Variants in NCOR2 observed in about 807,000 individuals in gnomAD.
NCOR2 encodes CTG repeat protein 26.
NCOR2 carries 81 observed loss-of-function variants against 262.9 expected under a neutral mutation model. The ratio of observed to expected loss-of-function variants is 0.31; its 90% CI spans 0.26 to 0.37. The LOEUF is 0.37. Ranked by LOEUF, NCOR2 falls within the 10% of genes least tolerant of loss-of-function variation. The pLI, the probability that NCOR2 is intolerant of heterozygous loss-of-function variation, is 1.00. For synonymous variants in NCOR2, 1,659 were observed against 1,559.3 expected, an observed-to-expected ratio of 1.06 and a Z score of -1.51; for missense variants, 3,385 against 3,621.4, an observed-to-expected ratio of 0.93 and a Z score of 1.68.
chr12:124,353,774 T>C (rs2037713287), intron 27 of NCOR2, among the ~76,000 whole-genome samples: 1 of 152,244 alleles, frequency 6.6e-6, no homozygotes, highest in South Asian at 2.1e-4. Flanking sequence ...GTCTAAGCAA[T>C]GTCCGTGGCC....
exon 40 of NCOR2, chr12:124,335,189 G>A (rs375234608): frequency 9.3e-5 from 150 of 1,611,422 alleles, no homozygotes; most frequent in Non-Finnish European, 1.1e-4. Context: ...CCCCTGGGGC[G>A]GTCTGGAGCA....
At chr12:124,369,537 G>C (rs1379659371) in intron 20 of NCOR2, among the ~76,000 whole-genome samples, 3 of 151,954 alleles carry the variant, frequency 2.0e-5, no homozygotes, top group Admixed American at 2.0e-4. Context: ...GACGCATCTC[G>C]TCCGCGTCCT....
upstream of NCOR2, among the ~76,000 whole-genome samples, chr12:124,499,138 A>G (rs985385422): frequency 3.3e-5 from 5 of 152,206 alleles, no homozygotes; most frequent in Non-Finnish European, 7.4e-5. Flanking sequence ...GTGAATGCCA[A>G]AAAAAATGAT....
At chr12:124,394,321 G>C (rs1347777147) in intron 16 of NCOR2, among the ~76,000 whole-genome samples, 1 of 152,224 alleles carries the variant, frequency 6.6e-6, no homozygotes, top group East Asian at 1.9e-4. Context: ...AGGTCAGGGG[G>C]CTAAGGAGCT....
At chr12:124,332,140 A>G (rs1162879386) in intron 43 of NCOR2, 179 bp downstream of exon 45, 3 of 708,950 alleles carry the variant, frequency 4.2e-6, no homozygotes, top group East Asian at 5.5e-5. Context: ...GCAAATCAAG[A>G]AACTGCCCTG....
chr12:124,385,346 C>T (rs531100238), intron 17 of NCOR2, among the ~76,000 whole-genome samples: 10 of 152,192 alleles, frequency 6.6e-5, no homozygotes, highest in South Asian at 2.1e-4. Flanking sequence ...GGGAGCCACT[C>T]GCTCAGGACC....
At chr12:124,472,198 G>A (rs1450868110) in intron 4 of NCOR2, among the ~76,000 whole-genome samples, 1 of 152,184 alleles carries the variant, frequency 6.6e-6, no homozygotes, top group African/African-American at 2.4e-5. Flanking sequence ...ACCATGAAGA[G>A]CTGGGAAAAG....
chr12:124,467,701 TATCACCCTCATCATCCTC>T (rs1204724601), intron 4 of NCOR2, among the ~76,000 whole-genome samples: 1 of 103,734 alleles, frequency 9.6e-6, no homozygotes, highest in African/African-American at 3.7e-5. Flanking sequence ...CCATCATCCT[TATCACCCTCATCATCCTC>T]ATCACCCTCA....
intron 7 of NCOR2, among the ~76,000 whole-genome samples, chr12:124,446,409 T>C (rs966999924): frequency 4.6e-5 from 7 of 152,200 alleles, no homozygotes; most frequent in South Asian, 4.1e-4. Flanking sequence ...TCCCAACAGA[T>C]AATAAAACCG....
intron 1 of NCOR2, among the ~76,000 whole-genome samples, chr12:124,533,659 T>C (rs2050967391): frequency 6.6e-6 from 1 of 152,174 alleles, no homozygotes; most frequent in African/African-American, 2.4e-5. Context: ...TGGCACACAG[T>C]AGGTGCTTTA....
At chr12:124,375,043 C>T (rs933453280) in intron 18 of NCOR2, among the ~76,000 whole-genome samples, 47 of 152,356 alleles carry the variant, frequency 3.1e-4, no homozygotes, top group African/African-American at 8.4e-4. Context: ...TCTTCACACA[C>T]GACTCCTTTA....
intron 31 of NCOR2, among the ~76,000 whole-genome samples, chr12:124,345,172 T>A (rs1478855355): frequency 6.6e-6 from 1 of 152,140 alleles, no homozygotes; most frequent in East Asian, 1.9e-4. Context: ...CCACGCTCCC[T>A]GGGGGGACTG....
At chr12:124,335,730 G>C in intron 38 of NCOR2, 98 bp from the exon 41 acceptor site, 1 of 1,388,318 alleles carries the variant, frequency 7.2e-7, no homozygotes, top group South Asian at 1.4e-5. Context: ...CCCCGGGGGG[G>C]TCAAGGGGAA....
chr12:124,561,083 G>A (rs1050883186), intron 1 of NCOR2, among the ~76,000 whole-genome samples: 2 of 152,196 alleles, frequency 1.3e-5, no homozygotes, highest in Non-Finnish European at 2.9e-5. Context: ...GGATTCCTCC[G>A]GGTCCGGCTG....
At chr12:124,510,221 C>A (rs963613349) in intron 1 of NCOR2, among the ~76,000 whole-genome samples, 20 of 152,212 alleles carry the variant, frequency 1.3e-4, no homozygotes, top group African/African-American at 4.8e-4. Flanking sequence ...CACTGATGCA[C>A]CCCAGCTCCG....
chr12:124,429,765 A>AC (rs2043808246), intron 9 of NCOR2, 59 bp from the exon 12 acceptor site: 17 of 1,477,104 alleles, frequency 1.2e-5, no homozygotes, highest in Non-Finnish European at 1.5e-5. Flanking sequence ...ACACTAGCAG[A>AC]CCCCTGTGGC....
intron 25 of NCOR2, 110 bp from the exon 28 acceptor site, chr12:124,354,692 T>C (rs2037804627): frequency 7.6e-7 from 1 of 1,315,362 alleles, no homozygotes; most frequent in Non-Finnish European, 1.0e-6. Context: ...CTCCCCACCA[T>C]GTTCCAGCCA....
chr12:124,496,040 C>T (rs3759106), upstream of NCOR2, among the ~76,000 whole-genome samples: 14,658 of 152,138 alleles, frequency 0.096, 862 homozygotes, highest in East Asian at 0.2. The surrounding 1 kb of genome is among the most constrained non-coding windows in gnomAD (Gnocchi z 4.4). Flanking sequence ...GTACCCCAAA[C>T]GGCTCCTGGG....
intron 25 of NCOR2, 32 bp from the exon 28 acceptor site, chr12:124,354,614 C>A: frequency 6.7e-7 from 1 of 1,490,836 alleles, no homozygotes. Context: ...GAGTCACGTG[C>A]TGCCGGAGCA....
Sources: gnomAD v4.1 joint callset for allele counts (sites outside exome capture counted in the v4.1 genomes callset) on GRCh38, gnomAD v4.1.1 for gene constraint, Gnocchi (gnomAD v3.1) non-coding constraint, MANE v1.5 for transcripts, NCBI Gene and HGNC (gene_info 2026-07-23, HGNC 2026-07-21) for gene names.